Variants in CDH1 observed in about 807,000 individuals in gnomAD.
CDH1 encodes the protein cadherin 1.
CDH1 carries 35 observed loss-of-function variants against 84.5 expected under a neutral mutation model. That is an observed-to-expected ratio of 0.41 (90% confidence interval 0.32 to 0.55). The LOEUF (loss-of-function observed/expected upper bound fraction) is 0.55, where lower values mean the gene tolerates loss of function less well. Among genes scored for constraint, CDH1 ranks in the 20% least tolerant of loss-of-function variants. The pLI is 0.19. For synonymous variants in CDH1, 417 were observed against 439.0 expected (o/e 0.95, Z 0.63); for missense variants, 994 against 1,126.6 (o/e 0.88, Z 1.68).
intron 12 of CDH1, chr16:68,822,970 C>T (rs1961203634): frequency 8.2e-6 from 2 of 244,960 alleles, no homozygotes; most frequent in Admixed American, 1.0e-4. Context: ...TCTGTGACTT[C>T]CTGGAGAGCC....
chr16:68,778,341 C>T lies in CDH1; in HGVS notation c.164-23329C>T, dbSNP rs150138195. On this transcript the variant is annotated intron_variant, in intron 2 of 15. Transcript: ENST00000261769. ...GATTACAGGTGTGAGCCACCGTGCC[C>T]GACCAATTGTACACTTTAAATTGGT... Among the ~76,000 whole-genome samples, 438 of 152,288 alleles carry T rather than the reference C, an allele frequency of 2.9e-3. 1 individual carries two copies. Among genetic ancestry groups the T allele is most frequent in the African/African-American group, 1.0e-2 (414 of 41,558 alleles).
Position 68,829,689 on chromosome 16 carries a change from C to G in CDH1, c.2331C>G (p.Asp777Glu), listed in dbSNP as rs114265540. Residue 777 changes from aspartate to glutamate, a missense_variant, in exon 15 of 16, where the codon GAC becomes GAG. Physicochemically the swap from Asp to Glu is conservative, Grantham distance 45. Coordinates refer to ENST00000261769, the MANE Select transcript of CDH1 (RefSeq NM_004360.5). ...TGAGCCAGCTGCACAGGGGCCTGGA[C>G]GCTCGGCCTGAAGTGACTCGTAACG... The part of the protein sequence containing the change: ...FDLSQLHRGL[D>E]ARPEVTRNDV... 1.9e-6 allele frequency: 3 copies of G among 1,614,152 alleles called. No homozygotes were observed. The Admixed American group carries it at 5.0e-5, about 27-fold the overall frequency.
intron 2 of CDH1, among the ~76,000 whole-genome samples, chr16:68,745,545 A>ATATATATATATATATATATGT (rs1399448265): frequency 6.2e-4 from 12 of 19,460 alleles, no homozygotes; most frequent in Admixed American, 1.0e-3. Context: ...AAAAAAAAAA[A>ATATATATATATATATATATGT]AAAAATATAT....
Position 68,801,879 on chromosome 16 carries a change from C to T in CDH1, c.373C>T (p.Pro125Ser), listed in dbSNP as rs730881662. ...GAATACAGTGGGGCACCACCACCGC[C>T]CCCCGCCCCATCAGGTATGTTGGCA... ...TLNTVGHHHR[P>S]PPHQASVSGI... Residue 125 changes from proline to serine, a missense_variant, in exon 3 of 16, where the codon CCC becomes TCC. By Grantham distance (74) the Pro-to-Ser change is moderately conservative (BLOSUM62 -1). This residue lies in a region of CDH1 where 203 missense variants were observed against 194.0 expected (regional missense o/e 1.05). Coordinates refer to ENST00000261769, the MANE Select transcript of CDH1 (RefSeq NM_004360.5). The T allele has an allele frequency of 1.2e-6, 2 of 1,613,626 alleles. No individual in the cohort carries two copies. The highest frequency in any genetic ancestry group is 4.5e-5 in the East Asian group (2 of 44,878).
rs34272844 is a variant in CDH1 at position 68,751,412 on chromosome 16, C to T, written c.163+13001C>T. ...GACCATTCCCATAATATCTGCACAG[C>T]TCACTCTTTTCTGTCCTGAAAAGAC... On this transcript the variant is annotated intron_variant, in intron 2 of 15. Transcript: ENST00000261769. Among the ~76,000 whole-genome samples, 1,514 of 152,328 alleles carry T rather than the reference C, an allele frequency of 9.9e-3. 30 individuals are homozygous for T. The highest frequency in any genetic ancestry group is 0.034 in the African/African-American group (1,427 of 41,574).
chr16:68,789,454 T>C (rs140812454), intron 2 of CDH1, among the ~76,000 whole-genome samples: 1 of 151,666 alleles, frequency 6.6e-6, no homozygotes, highest in African/African-American at 2.4e-5. Context: ...AGGACACATA[T>C]CAGGTGTTAG....
intron 2 of CDH1, among the ~76,000 whole-genome samples, chr16:68,765,762 GT>G (rs1355336029): frequency 6.1e-5 from 9 of 147,606 alleles, no homozygotes; most frequent in African/African-American, 2.2e-4. Context: ...TAAAAGATTT[GT>G]TTTCCTCTCA....
chr16:68,762,941 A>T (rs899249506), intron 2 of CDH1, among the ~76,000 whole-genome samples: 1 of 114,998 alleles, frequency 8.7e-6, no homozygotes, highest in Non-Finnish European at 1.9e-5. Context: ...AAAAAAAAAA[A>T]AAGCCCCAAA....
chr16:68,805,573 TTTG>T (rs1175673758), intron 3 of CDH1, among the ~76,000 whole-genome samples: 1 of 152,082 alleles, frequency 6.6e-6, no homozygotes, highest in African/African-American at 2.4e-5. Flanking sequence ...GTGGCCAGTT[TTTG>T]TTGTTGTTTT....
rs528994673 is a variant in CDH1 at position 68,800,170 on chromosome 16, T to C, written c.164-1500T>C. Among the ~76,000 whole-genome samples, 38 of 151,136 alleles carry C rather than the reference T, an allele frequency of 2.5e-4. 1 individual carries two copies. The South Asian group carries it at 7.1e-3, about 28-fold the overall frequency. ...GCCTGGGCAACATAACAAGATCCCA[T>C]CTCTATGAAAATATTATTTAAAAAA... On this transcript the variant is annotated intron_variant, in intron 2 of 15. Transcript: ENST00000261769.
chr16:68,815,575 C>A lies in CDH1; in HGVS notation c.1381C>A (p.Pro461Thr), dbSNP rs1355592880. The A allele has an allele frequency of 6.2e-7, 1 of 1,614,208 alleles. No homozygotes were observed. Among genetic ancestry groups the A allele is most frequent in the Non-Finnish European group, 8.5e-7 (1 of 1,180,040 alleles). Residue 461 changes from proline to threonine, a missense_variant, in exon 10 of 16, where the codon CCT becomes ACT. Around this residue, in one of 3 missense-constraint regions of CDH1, gnomAD observed 769 missense variants for 881.8 expected, o/e 0.87. Coordinates refer to ENST00000261769, the MANE Select transcript of CDH1 (RefSeq NM_004360.5). ...ILHVAVTNVV[P>T]FEVSLTTSTA... is the part of the protein sequence containing the mutation. Reference sequence around the variant, plus strand: ...ACACGTAGCAGTGACGAATGTGGTACCTTTTGAGGTCTCTCTCACCACCTC... The same window carrying A: ...ACACGTAGCAGTGACGAATGTGGTAACTTTTGAGGTCTCTCTCACCACCTC...
In CDH1 at chr16:68,835,190, G is replaced by T. The variant is rs373181046; in HGVS notation, c.*1691G>T. 4.1e-4 allele frequency: 94 copies of T among 231,256 alleles called. 3 individuals are homozygous for T. In the South Asian group the frequency reaches 0.014, roughly 35 times the overall value. The allele number at this position is 231,256 out of a possible 1,614,324, so 14.3% of individuals were successfully genotyped here. A position where few individuals can be genotyped will look rare whatever the true frequency, so the allele number is the denominator to read the frequency against. ...CTAAAGGGGGTTAGTTGAGGGGTAG[G>T]GGGTAGTGAGGATCTTGATTTGGAT... is the stretch of plus-strand genomic sequence containing the variant. On this transcript the variant is annotated 3_prime_UTR_variant, in exon 16 of 16. Coordinates refer to ENST00000261769, the MANE Select transcript of CDH1 (RefSeq NM_004360.5).
Position 68,829,668 on chromosome 16 carries a change from C to T in CDH1, c.2310C>T (p.Ser770=), listed in dbSNP as rs754162869. 1.2e-6 allele frequency: 2 copies of T among 1,614,178 alleles called. No individual in the cohort carries two copies. The highest frequency in any genetic ancestry group is 1.7e-6 in the Non-Finnish European group (2 of 1,180,026). The change falls in exon 15 of 16, where the codon AGC becomes AGT. Residue 770 remains serine (S), a synonymous_variant. Coordinates refer to ENST00000261769, the MANE Select transcript of CDH1 (RefSeq NM_004360.5). ...GGEEDQDFDL[S]QLHRGLDARP... The stretch of plus-strand genomic sequence containing the variant: ...TTTCTCCAAAGGACTTTGACTTGAG[C>T]CAGCTGCACAGGGGCCTGGACGCTC...
rs587780120 is a variant in CDH1 at position 68,829,727 on chromosome 16, C to T, written c.2369C>T (p.Thr790Ile). 1.1e-5 allele frequency: 18 copies of T among 1,614,078 alleles called. No individual in the cohort carries two copies. The Middle Eastern group carries it at 4.9e-4, about 44-fold the overall frequency. The change falls in exon 15 of 16, where the codon ACC becomes ATC. Residue 790 changes from threonine (T) to isoleucine (I), a missense_variant. Around this residue, in one of 3 missense-constraint regions of CDH1, gnomAD observed 769 missense variants for 881.8 expected, o/e 0.87. Coordinates refer to ENST00000261769, the MANE Select transcript of CDH1 (RefSeq NM_004360.5). ...PEVTRNDVAPTLMSVPRYLPR... is the reference protein window; with the variant it reads ...PEVTRNDVAPILMSVPRYLPR... ...GTGACTCGTAACGACGTTGCACCAA[C>T]CCTCATGAGTGTCCCCCGGTATCTT...
chr16:68,785,552 C>T (rs1364450553), intron 2 of CDH1, among the ~76,000 whole-genome samples: 1 of 152,152 alleles, frequency 6.6e-6, no homozygotes, highest in African/African-American at 2.4e-5. Context: ...TGGCTCACTG[C>T]AGACTCAAAC....
At chr16:68,812,932 C>A (rs1164156783) in intron 8 of CDH1, among the ~76,000 whole-genome samples, 3 of 152,144 alleles carry the variant, frequency 2.0e-5, no homozygotes, top group Non-Finnish European at 4.4e-5. Context: ...CCCAGCTACT[C>A]GGGCATCTGA....
chr16:68,738,981 T>C (rs1207080683), intron 2 of CDH1, among the ~76,000 whole-genome samples: 1 of 106,402 alleles, frequency 9.4e-6, no homozygotes, highest in Non-Finnish European at 1.9e-5. Context: ...AGGGTCTTGC[T>C]CTGTTGCCCA....
intron 2 of CDH1, among the ~76,000 whole-genome samples, chr16:68,741,796 C>G (rs921835409): frequency 3.3e-5 from 5 of 152,288 alleles, no homozygotes; most frequent in African/African-American, 9.6e-5. Context: ...TCTCCTGTCT[C>G]AGCCTCCTGA....
chr16:68,798,402 T>C (rs1960417329), intron 2 of CDH1, among the ~76,000 whole-genome samples: 1 of 152,112 alleles, frequency 6.6e-6, no homozygotes, highest in African/African-American at 2.4e-5. Context: ...TTTCTGGAGC[T>C]GAAGAACCTT....
Sources: gnomAD v4.1 joint callset for allele counts (sites outside exome capture counted in the v4.1 genomes callset) on GRCh38, gnomAD v4.1.1 for gene constraint, gnomAD v4.1.1 regional missense constraint, MANE v1.5 for transcripts, NCBI Gene and HGNC (gene_info 2026-07-23, HGNC 2026-07-21) for gene names.